The following DGKD variants were observed in gnomAD, a reference collection of about 807,000 sequenced individuals.
DGKD encodes the protein DAG kinase delta.
DGKD carries 68 observed loss-of-function variants against 154.4 expected under a neutral mutation model. The observed-to-expected ratio is 0.44, with a 90% CI of 0.36 to 0.54. DGKD has a LOEUF of 0.54. Among genes scored for constraint, DGKD ranks in the 20% least tolerant of loss-of-function variants. DGKD has a pLI of 0.00. For missense variants in DGKD, 1,343 were observed against 1,593.6 expected (o/e 0.84, Z 2.68); for synonymous variants, 693 against 638.0 (o/e 1.09, Z -1.30).
intron 10 of DGKD, among the ~76,000 whole-genome samples, chr2:233,442,896 G>A (rs992710855): frequency 9.9e-5 from 15 of 152,132 alleles, no homozygotes; most frequent in African/African-American, 2.4e-4. Context: ...GAGCCACCGC[G>A]CCCGGCCTGT....
intron 3 of DGKD, chr2:233,429,249 A>G (rs1298002084): frequency 1.0e-6 from 1 of 985,424 alleles, no homozygotes; most frequent in Non-Finnish European, 1.2e-6. Context: ...GTTGTCTTCT[A>G]TAAATATCCT....
chr2:233,361,497 A>G lies in DGKD; in HGVS notation c.156+6823A>G, dbSNP rs540281804. 5.9e-5 allele frequency among the ~76,000 whole-genome samples: 9 copies of G among 152,346 alleles called. No individual in the cohort carries two copies. The South Asian group carries it at 1.9e-3, about 32-fold the overall frequency. On this transcript the variant is annotated intron_variant, in intron 1 of 29. Transcript: ENST00000264057. ...TCAAGGGAGGCGAGGCACTTGAGCTAAAACCAGTCGAAACTACAGGCTGTA... is the reference window on the plus strand; with the variant it reads ...TCAAGGGAGGCGAGGCACTTGAGCTGAAACCAGTCGAAACTACAGGCTGTA...
intron 1 of DGKD, among the ~76,000 whole-genome samples, chr2:233,356,148 A>T (rs1393879008): frequency 6.6e-6 from 1 of 152,212 alleles, no homozygotes. Context: ...ATCTTGAGGG[A>T]TAAAGAATTC....
At chr2:233,432,661 AAAAAC>A (rs906381535) in intron 3 of DGKD, among the ~76,000 whole-genome samples, 13 of 152,314 alleles carry the variant, frequency 8.5e-5, no homozygotes, top group Admixed American at 3.3e-4. Context: ...TCCGTCTCAA[AAAAAC>A]AAAACAAAAC....
chr2:233,375,697 G>C (rs182075043), intron 1 of DGKD, among the ~76,000 whole-genome samples: 27 of 152,212 alleles, frequency 1.8e-4, no homozygotes, highest in African/African-American at 4.8e-4. Flanking sequence ...AGTTTCCAAA[G>C]CGCCCTGTCT....
At position 233,416,305 on chromosome 2, in the gene DGKD, T is replaced by C. The variant is rs564132757; in HGVS notation, c.349-18075T>C. The stretch of plus-strand genomic sequence containing the variant: ...GTGGTTTACTTAACCACTCTAAGTA[T>C]TGAACACACAAACAGGCTTGAATCA... On this transcript the variant is annotated intron_variant, in intron 3 of 29. Coordinates refer to ENST00000264057, the MANE Select transcript of DGKD (RefSeq NM_152879.3). Among the ~76,000 whole-genome samples the C allele has an allele frequency of 2.0e-5, 3 of 152,352 alleles. No individual in the cohort carries two copies. In the East Asian group the frequency reaches 5.8e-4, roughly 29 times the overall value.
chr2:233,368,674 C>A (rs1702161185), intron 1 of DGKD, among the ~76,000 whole-genome samples: 2 of 152,110 alleles, frequency 1.3e-5, no homozygotes, highest in South Asian at 4.1e-4. Flanking sequence ...TTTCTCTCCC[C>A]CCAACCCTAA....
chr2:233,450,258 A>G, intron 16 of DGKD, 127 bp downstream of exon 16: 1 of 1,260,718 alleles, frequency 7.9e-7, no homozygotes, highest in Admixed American at 3.0e-5. Flanking sequence ...TTACATAAAA[A>G]TTGAGCGCCC....
At chr2:233,397,392 G>A (rs543525894) in intron 3 of DGKD, among the ~76,000 whole-genome samples, 45 of 136,174 alleles carry the variant, frequency 3.3e-4, no homozygotes, top group Non-Finnish European at 6.6e-4. Flanking sequence ...GACCAGGGTG[G>A]CTGGCAGAGG....
intron 12 of DGKD, chr2:233,447,510 C>CT (rs2063121913): frequency 1.9e-5 from 19 of 985,254 alleles, no homozygotes; most frequent in South Asian, 4.7e-5. Flanking sequence ...TTTATTTTTC[C>CT]TTTTTTTAAA....
chr2:233,381,211 G>A (rs1412675354), intron 1 of DGKD, among the ~76,000 whole-genome samples: 4 of 152,208 alleles, frequency 2.6e-5, no homozygotes, highest in South Asian at 2.1e-4. Flanking sequence ...CACACACTCC[G>A]TTGCCACCTT....
At chr2:233,406,841 G>T (rs1405006893) in intron 3 of DGKD, among the ~76,000 whole-genome samples, 2 of 152,114 alleles carry the variant, frequency 1.3e-5, no homozygotes, top group African/African-American at 2.4e-5. Flanking sequence ...TGCTCATACC[G>T]TATAGCTCTC....
intron 1 of DGKD, among the ~76,000 whole-genome samples, chr2:233,368,573 A>G (rs1342059022): frequency 2.0e-5 from 3 of 152,164 alleles, no homozygotes; most frequent in Non-Finnish European, 4.4e-5. Flanking sequence ...AGTTCCTCCT[A>G]AAAAGGCAGG....
At chr2:233,371,656 G>A (rs1232100564) in intron 1 of DGKD, among the ~76,000 whole-genome samples, 4 of 152,190 alleles carry the variant, frequency 2.6e-5, no homozygotes, top group Non-Finnish European at 2.9e-5. Flanking sequence ...GAGTTTTGTA[G>A]TTTCAGCTAT....
In DGKD at chr2:233,452,169, T is replaced by C. The variant is rs899653849; in HGVS notation, c.2264+109T>C. The C allele has an allele frequency of 9.8e-7, 1 of 1,024,100 alleles. No individual in the cohort carries two copies. Among genetic ancestry groups the C allele is most frequent in the Non-Finnish European group, 1.5e-6 (1 of 668,070 alleles). The allele number at this position is 1,024,100 out of a possible 1,614,324, so 63.4% of individuals were successfully genotyped here. ...AATTAGTGAGCAGTTGCCCAGCTGG[T>C]GGTAGCTGATAAGGAAGGCTGAGAA... On this transcript the variant is annotated intron_variant, in intron 18 of 29. Coordinates refer to ENST00000264057, the MANE Select transcript of DGKD (RefSeq NM_152879.3). The surrounding 1 kb of genome is among the most constrained non-coding windows in gnomAD (Gnocchi z 4.0).
At chr2:233,423,458 G>A (rs916901229) in intron 3 of DGKD, among the ~76,000 whole-genome samples, 4 of 152,164 alleles carry the variant, frequency 2.6e-5, no homozygotes, top group Non-Finnish European at 5.9e-5. Flanking sequence ...TAGGTGCGTA[G>A]GGCTCTCTGG....
At chr2:233,360,408 G>T (rs1701724990) in intron 1 of DGKD, among the ~76,000 whole-genome samples, 1 of 152,048 alleles carries the variant, frequency 6.6e-6, no homozygotes, top group South Asian at 2.1e-4. Flanking sequence ...ATTCCATGAT[G>T]CCTGGCTAAT....
At chr2:233,370,100 A>G (rs1192694728) in intron 1 of DGKD, among the ~76,000 whole-genome samples, 1 of 152,100 alleles carries the variant, frequency 6.6e-6, no homozygotes, top group Non-Finnish European at 1.5e-5. Flanking sequence ...TATCCCCTAC[A>G]TGGAAATCCC....
chr2:233,391,408 T>C (rs1159045714), intron 3 of DGKD, among the ~76,000 whole-genome samples: 1 of 143,188 alleles, frequency 7.0e-6, no homozygotes, highest in African/African-American at 2.8e-5. Flanking sequence ...ACCTGTGTTT[T>C]TTTCCCCCCC....
Sources: allele counts gnomAD v4.1 joint callset (sites outside exome capture counted in the v4.1 genomes callset), GRCh38; gene constraint gnomAD v4.1.1; non-coding constraint Gnocchi (gnomAD v3.1); transcripts MANE v1.5; gene names NCBI Gene and HGNC (gene_info 2026-07-23, HGNC 2026-07-21).